The following SLC4A4 variants were observed in gnomAD, a reference collection of about 807,000 sequenced individuals.
SLC4A4 encodes solute carrier family 4 member 4.
A neutral mutation model predicts 111.5 loss-of-function variants in SLC4A4; 27 were observed. The ratio of observed to expected loss-of-function variants is 0.24; its 90% confidence interval spans 0.18 to 0.33. The LOEUF (loss-of-function observed/expected upper bound fraction) is 0.33. Ranked by LOEUF, SLC4A4 falls within the 10% of genes least tolerant of loss-of-function variation. SLC4A4 has a pLI of 1.00. For missense variants in SLC4A4, 909 were observed against 1,315.5 expected (o/e 0.69, Z 4.78); for synonymous variants, 443 against 463.4 (o/e 0.96, Z 0.57).
In SLC4A4 at chr4:71,187,360, C is replaced by G. The variant is rs1470773563; in HGVS notation, c.-43C>G. ...CAGTGGCCGCTGCAGCCCCACACTC[C>G]GCCGCCAAACTGGAGGAGCGACGGA... is the stretch of plus-strand genomic sequence containing the variant. On this transcript the variant is annotated 5_prime_UTR_variant, in exon 1 of 26. Coordinates refer to ENST00000264485, the MANE Select transcript of SLC4A4 (RefSeq NM_001098484.3). The G allele has an allele frequency of 6.6e-6, 1 of 152,276 alleles. No individual in the cohort carries two copies. Among genetic ancestry groups the G allele is most frequent in the East Asian group, 1.9e-4 (1 of 5,134 alleles). The allele number at this position is 152,276 out of a possible 1,614,324, so 9.4% of individuals were successfully genotyped here. A position where few individuals can be genotyped will look rare whatever the true frequency, so the allele number is the denominator to read the frequency against.
chr4:71,427,748 G>A (rs1016873530), intron 7 of SLC4A4, among the ~76,000 whole-genome samples: 14 of 152,198 alleles, frequency 9.2e-5, no homozygotes, highest in South Asian at 2.1e-4. Context: ...ATTCAGCCTG[G>A]AATTAAGCTG....
Position 71,199,419 on chromosome 4 carries a change from A to G in SLC4A4, c.-2+12018A>G, listed in dbSNP as rs543472096. Among the ~76,000 whole-genome samples the G allele has an allele frequency of 3.0e-4, 45 of 152,348 alleles. 1 individual carries two copies. Among genetic ancestry groups the G allele is most frequent in the African/African-American group, 1.1e-3 (44 of 41,588 alleles). ...TTTGGTTTGGGGTTTATCTGGTATA[A>G]TCTCACTACTCTGAAAAAGTTTACT... On this transcript the variant is annotated intron_variant, in intron 1 of 25. Coordinates refer to ENST00000264485, the MANE Select transcript of SLC4A4 (RefSeq NM_001098484.3).
chr4:71,389,848 G>A lies in SLC4A4; in HGVS notation c.731-7729G>A, dbSNP rs147001242. On this transcript the variant is annotated intron_variant, in intron 6 of 25. Coordinates refer to ENST00000264485, the MANE Select transcript of SLC4A4 (RefSeq NM_001098484.3). ...AGACAAACCAAGGGCCTTGGCTCTAGGCTCTTGGAGTTTACATTATATAAA... is the reference window on the plus strand; with the variant it reads ...AGACAAACCAAGGGCCTTGGCTCTAAGCTCTTGGAGTTTACATTATATAAA... Among the ~76,000 whole-genome samples the A allele has an allele frequency of 1.5e-3, 233 of 152,210 alleles. 10 individuals carry two copies. The East Asian group carries it at 0.043, about 28-fold the overall frequency.
intron 1 of SLC4A4, among the ~76,000 whole-genome samples, chr4:71,190,348 A>G (rs1745669862): frequency 6.6e-6 from 1 of 151,396 alleles, no homozygotes. Context: ...AGCAATAGGG[A>G]TGGAGTCTCC....
chr4:71,402,902 T>A (rs557820650), intron 7 of SLC4A4, among the ~76,000 whole-genome samples: 1 of 152,350 alleles, frequency 6.6e-6, no homozygotes, highest in South Asian at 2.1e-4. Context: ...TGGCTTAAGA[T>A]AGCTTCCTTT....
intron 16 of SLC4A4, among the ~76,000 whole-genome samples, chr4:71,516,948 T>C (rs1421727187): frequency 6.6e-6 from 1 of 152,160 alleles, no homozygotes; most frequent in African/African-American, 2.4e-5. Flanking sequence ...GTAAAGCTTT[T>C]GGTGCAAAAT....
intron 2 of SLC4A4, among the ~76,000 whole-genome samples, chr4:71,240,093 A>G (rs1720090277): frequency 6.6e-6 from 1 of 152,070 alleles, no homozygotes; most frequent in Non-Finnish European, 1.5e-5. Context: ...GCAATTACGT[A>G]GTGATTGCTA....
chr4:71,174,392 AG>A (rs1305160287), intron 2 of SLC4A4, among the ~76,000 whole-genome samples: 5 of 151,820 alleles, frequency 3.3e-5, no homozygotes, highest in Admixed American at 3.3e-4. Flanking sequence ...TGGTATTAAC[AG>A]GTGTGCACCA....
At chr4:71,236,778 A>G (rs1399502749) in intron 2 of SLC4A4, 129 bp downstream of exon 2, 1 of 781,180 alleles carries the variant, frequency 1.3e-6, no homozygotes, top group Non-Finnish European at 2.1e-6. Flanking sequence ...GAGTTTCATC[A>G]ATCTCTACAT....
At chr4:71,092,519 A>G (rs1221054523) in intron 1 of SLC4A4, among the ~76,000 whole-genome samples, 1 of 152,164 alleles carries the variant, frequency 6.6e-6, no homozygotes, top group Non-Finnish European at 1.5e-5. Flanking sequence ...GATTTTAAGT[A>G]TTTTGGGGGT....
chr4:71,523,146 A>G lies in SLC4A4; in HGVS notation c.2167-8916A>G, dbSNP rs145309108. On this transcript the variant is annotated intron_variant, in intron 16 of 25. Coordinates refer to ENST00000264485, the MANE Select transcript of SLC4A4 (RefSeq NM_001098484.3). ...TGTCAAACTAAAACAATATATTAAA[A>G]CAGGAGTAAGAAATAATGGGCATGT... Among the ~76,000 whole-genome samples the G allele has an allele frequency of 1.1e-3, 161 of 152,190 alleles. 1 individual carries two copies. Among genetic ancestry groups the G allele is most frequent in the African/African-American group, 3.8e-3 (157 of 41,540 alleles).
Position 71,337,976 on chromosome 4 carries a change from C to G in SLC4A4, c.254-1394C>G, listed in dbSNP as rs142845660. ...TCTTGAGTAGCTGGGAATACAGGCA[C>G]ACGCCACCACGCCTGGCTAATTTTT... On this transcript the variant is annotated intron_variant, in intron 3 of 25. Transcript: ENST00000264485. 2.1e-3 allele frequency among the ~76,000 whole-genome samples: 312 copies of G among 152,062 alleles called. 1 individual carries two copies. Among genetic ancestry groups the G allele is most frequent in the African/African-American group, 7.3e-3 (301 of 41,458 alleles).
In SLC4A4 at chr4:71,258,826, G is replaced by A. The variant is rs550438682; in HGVS notation, c.253+3427G>A. ...TATCGCCAAAGTGGGATTTTGGTCT[G>A]GGTAGGTAACTCCCAAGTGTGTGCA... On this transcript the variant is annotated intron_variant, in intron 3 of 25. Transcript: ENST00000264485. 2.6e-5 allele frequency among the ~76,000 whole-genome samples: 4 copies of A among 152,268 alleles called. 1 individual carries two copies. Among genetic ancestry groups the A allele is most frequent in the African/African-American group, 9.6e-5 (4 of 41,544 alleles).
chr4:71,476,529 A>G (rs1728388920), intron 14 of SLC4A4, among the ~76,000 whole-genome samples: 1 of 151,738 alleles, frequency 6.6e-6, no homozygotes, highest in African/African-American at 2.4e-5. Context: ...CAGGAATGGA[A>G]ATAGGGGCCA....
chr4:71,429,863 A>G (rs1473646789), intron 7 of SLC4A4, among the ~76,000 whole-genome samples: 1 of 152,152 alleles, frequency 6.6e-6, no homozygotes, highest in East Asian at 1.9e-4. Context: ...TGAAAGCCGT[A>G]TATTCTATTC....
intron 2 of SLC4A4, among the ~76,000 whole-genome samples, chr4:71,121,335 G>A (rs1018963750): frequency 3.9e-5 from 6 of 152,192 alleles, no homozygotes; most frequent in Admixed American, 2.0e-4. Context: ...GCAGGTGCAC[G>A]GCGCTGGACT....
chr4:71,529,067 A>C (rs1451918258), intron 16 of SLC4A4, among the ~76,000 whole-genome samples: 1 of 152,108 alleles, frequency 6.6e-6, no homozygotes, highest in East Asian at 1.9e-4. Context: ...GTGGGTAATC[A>C]AACAGTCTTT....
At chr4:71,422,867 C>T (rs954335714) in intron 7 of SLC4A4, among the ~76,000 whole-genome samples, 1 of 152,036 alleles carries the variant, frequency 6.6e-6, no homozygotes, top group Non-Finnish European at 1.5e-5. Flanking sequence ...TATGACAAAC[C>T]CACAGCCAAT....
chr4:71,410,089 G>C (rs1244091293), intron 7 of SLC4A4, among the ~76,000 whole-genome samples: 1 of 152,212 alleles, frequency 6.6e-6, no homozygotes, highest in South Asian at 2.1e-4. Flanking sequence ...AAAGTTTGCT[G>C]CAGGGGTGGG....
Sources: allele counts gnomAD v4.1 joint callset (sites outside exome capture counted in the v4.1 genomes callset), GRCh38; gene constraint gnomAD v4.1.1; transcripts MANE v1.5; gene names NCBI Gene and HGNC (gene_info 2026-07-23, HGNC 2026-07-21).